Variants in EPHA5 observed in about 807,000 individuals in gnomAD.
The protein encoded by EPHA5 is ephrin type-A receptor 5.
A neutral mutation model predicts 105.0 loss-of-function variants in EPHA5; 60 were observed. That is an observed-to-expected ratio of 0.57 (90% CI 0.46 to 0.71). The LOEUF (loss-of-function observed/expected upper bound fraction) is 0.71. EPHA5 is among the 30% of genes least tolerant of loss of function. The probability of loss-of-function intolerance (pLI) is 0.00; values close to 1 mark genes in which losing one functional copy is unlikely to be tolerated. For synonymous variants in EPHA5, 513 were observed against 449.1 expected (o/e 1.14, Z -1.80); for missense variants, 1,218 against 1,274.7 (o/e 0.96, Z 0.68).
At chr4:65,404,629 G>A in intron 7 of EPHA5, 150 bp from the exon 8 acceptor site, 1 of 624,612 alleles carries the variant, frequency 1.6e-6, no homozygotes, top group Non-Finnish European at 2.8e-6. Context: ...TCTTAAAAGT[G>A]TGTAATTGAA....
chr4:65,456,326 T>C (rs1727581840), intron 5 of EPHA5, among the ~76,000 whole-genome samples: 1 of 152,076 alleles, frequency 6.6e-6, no homozygotes, highest in Non-Finnish European at 1.5e-5. Flanking sequence ...TCTTCGATTT[T>C]TTTTTTTTCT....
chr4:65,471,565 A>G (rs1729286528), intron 5 of EPHA5, among the ~76,000 whole-genome samples: 1 of 152,224 alleles, frequency 6.6e-6, no homozygotes, highest in Non-Finnish European at 1.5e-5. Context: ...AAGAGGCTTA[A>G]TTGACTTACA....
At chr4:65,506,988 C>A (rs998131538) in intron 3 of EPHA5, among the ~76,000 whole-genome samples, 2 of 151,794 alleles carry the variant, frequency 1.3e-5, no homozygotes, top group Non-Finnish European at 2.9e-5. Flanking sequence ...TCTAGGGTTT[C>A]TATGGTTTTA....
chr4:65,526,090 T>A (rs1317418656), intron 3 of EPHA5, among the ~76,000 whole-genome samples: 1 of 151,902 alleles, frequency 6.6e-6, no homozygotes, highest in Non-Finnish European at 1.5e-5. Context: ...TAGGTATTAC[T>A]GTTTTGCATA....
chr4:65,329,558 A>AT (rs1206488400), intron 16 of EPHA5, among the ~76,000 whole-genome samples: 3 of 151,344 alleles, frequency 2.0e-5, no homozygotes, highest in Non-Finnish European at 4.4e-5. Context: ...ATATTAATTG[A>AT]TTTTCACATT....
intron 8 of EPHA5, among the ~76,000 whole-genome samples, chr4:65,380,204 C>T (rs1056408208): frequency 6.6e-6 from 1 of 151,776 alleles, no homozygotes; most frequent in African/African-American, 2.4e-5. Flanking sequence ...TAACTGCATG[C>T]AGCTATAACA....
intron 11 of EPHA5, among the ~76,000 whole-genome samples, chr4:65,358,911 G>A (rs546063108): frequency 2.4e-4 from 37 of 151,454 alleles, no homozygotes; most frequent in Admixed American, 5.9e-4. Flanking sequence ...ATAGATGTTC[G>A]TTTCTCAAAT....
chr4:65,347,337 C>T (rs1722319881), intron 14 of EPHA5, among the ~76,000 whole-genome samples: 1 of 151,970 alleles, frequency 6.6e-6, no homozygotes, highest in African/African-American at 2.4e-5. Context: ...ATTGTTGTTT[C>T]TCAAAATAAA....
intron 5 of EPHA5, among the ~76,000 whole-genome samples, chr4:65,482,523 G>T (rs1265669191): frequency 6.6e-6 from 1 of 152,092 alleles, no homozygotes; most frequent in Non-Finnish European, 1.5e-5. Context: ...TGGAATGGGG[G>T]TGGACACGGA....
At chr4:65,409,125 G>T (rs1216872847) in intron 7 of EPHA5, among the ~76,000 whole-genome samples, 1 of 134,720 alleles carries the variant, frequency 7.4e-6, no homozygotes, top group Non-Finnish European at 1.6e-5. Flanking sequence ...TCACTCATAG[G>T]TGGGAATTGA....
At chr4:65,538,295 G>A (rs1263002862) in intron 3 of EPHA5, among the ~76,000 whole-genome samples, 2 of 151,674 alleles carry the variant, frequency 1.3e-5, no homozygotes, top group African/African-American at 2.4e-5. Context: ...ATATAAATCA[G>A]CAAAAATAGT....
At chr4:65,555,997 C>A (rs1009672286) in intron 3 of EPHA5, among the ~76,000 whole-genome samples, 2 of 152,056 alleles carry the variant, frequency 1.3e-5, no homozygotes, top group Non-Finnish European at 2.9e-5. Context: ...TCATTCTATT[C>A]CAACTCTATT....
chr4:65,453,426 A>G (rs1727256805), intron 5 of EPHA5, among the ~76,000 whole-genome samples: 1 of 152,158 alleles, frequency 6.6e-6, no homozygotes, highest in Admixed American at 6.5e-5. Flanking sequence ...AGCTTGCTCT[A>G]AAACAATAAT....
chr4:65,495,369 T>A lies in EPHA5; in HGVS notation c.1066+19A>T, dbSNP rs369825431. ...ACTGGTTAAAGTTAGCACCACCAAATATCCGTGGGTTTCCTTACTTGTGCA... is the reference window on the plus strand; with the variant it reads ...ACTGGTTAAAGTTAGCACCACCAAAAATCCGTGGGTTTCCTTACTTGTGCA... On this transcript the variant is annotated intron_variant, in intron 4 of 16. Coordinates refer to ENST00000613740, the MANE Select transcript of EPHA5 (RefSeq NM_001281766.3). 2.3e-4 allele frequency: 372 copies of A among 1,607,002 alleles called. No individual in the cohort carries two copies. Among genetic ancestry groups the A allele is most frequent in the Non-Finnish European group, 2.9e-4 (344 of 1,176,518 alleles).
At chr4:65,599,335 G>T (rs902897831) in intron 3 of EPHA5, among the ~76,000 whole-genome samples, 19 of 116,510 alleles carry the variant, frequency 1.6e-4, no homozygotes, top group Non-Finnish European at 3.1e-4. Flanking sequence ...CTAGAGTCAT[G>T]GTGGCATTTT....
rs775265862 is a variant in EPHA5 at position 65,351,382 on chromosome 4, A to T, written c.2445+7T>A. ...AGTGTTTAGAAATGCACTCTGTTAG[A>T]TCTTACCCTTGTGGTGTAGGCTGCC... On this transcript the variant is annotated splice_region_variant and intron_variant, in intron 13 of 16. Coordinates refer to ENST00000613740, the MANE Select transcript of EPHA5 (RefSeq NM_001281766.3). The T allele has an allele frequency of 6.2e-7, 1 of 1,613,252 alleles. No individual in the cohort carries two copies. The highest frequency in any genetic ancestry group is 8.5e-7 in the Non-Finnish European group (1 of 1,179,466).
At chr4:65,563,344 A>G (rs1252023785) in intron 3 of EPHA5, among the ~76,000 whole-genome samples, 4 of 152,096 alleles carry the variant, frequency 2.6e-5, no homozygotes, top group Non-Finnish European at 4.4e-5. Flanking sequence ...CTTCACTCAA[A>G]GATTCAAGAA....
chr4:65,348,837 A>G (rs1227763647), intron 13 of EPHA5, among the ~76,000 whole-genome samples: 1 of 21,414 alleles, frequency 4.7e-5, no homozygotes, highest in Non-Finnish European at 1.5e-4. Flanking sequence ...TTTTTTTGAG[A>G]CAGGGTCTCG....
intron 3 of EPHA5, among the ~76,000 whole-genome samples, chr4:65,542,812 T>A (rs1422721078): frequency 6.6e-6 from 1 of 151,156 alleles, no homozygotes; most frequent in African/African-American, 2.4e-5. Context: ...AACATTGATA[T>A]GAAAATCCTC....
Sources: allele counts gnomAD v4.1 joint callset (sites outside exome capture counted in the v4.1 genomes callset), GRCh38; gene constraint gnomAD v4.1.1; transcripts MANE v1.5; gene names NCBI Gene and HGNC (gene_info 2026-07-23, HGNC 2026-07-21).